LETM2: variants seen among roughly 807,000 people sequenced by gnomAD.
LETM2 encodes the protein leucine zipper and EF-hand containing transmembrane protein 2.
LETM2 carries 58 observed loss-of-function variants against 59.6 expected under a neutral mutation model. The observed-to-expected ratio is 0.97, with a 90% CI of 0.79 to 1.21. LETM2 has a LOEUF of 1.21. Ranked by LOEUF, LETM2 falls within the 50% of genes most tolerant of loss-of-function variation. LETM2 has a pLI of 0.00. For missense variants in LETM2, 572 were observed against 575.7 expected (o/e 0.99, Z 0.07); for synonymous variants, 199 against 214.1 (o/e 0.93, Z 0.62).
intron 8 of LETM2, among the ~76,000 whole-genome samples, chr8:38,405,163 C>T (rs1813616811): frequency 1.3e-5 from 2 of 152,172 alleles, no homozygotes; most frequent in South Asian, 4.1e-4. Flanking sequence ...TCCTTTTAGA[C>T]TGAATGGTTC....
At chr8:38,404,658 AAAAC>A (rs1395749238) in intron 8 of LETM2, 152 bp downstream of exon 8, 1 of 597,346 alleles carries the variant, frequency 1.7e-6, no homozygotes, top group Non-Finnish European at 3.0e-6. Flanking sequence ...AATTTCTAAA[AAAAC>A]CAACCAACCA....
intron 4 of LETM2, among the ~76,000 whole-genome samples, chr8:38,399,772 CATCTCAAAAAAAAAAAAAAAAAA>C (rs1269284489): frequency 1.5e-5 from 2 of 132,502 alleles, no homozygotes; most frequent in Non-Finnish European, 3.3e-5. Context: ...AGCGAAACTC[CATCTCAAAAAAAAAAAAAAAAAA>C]ATTAGCCAGG....
intron 6 of LETM2, 133 bp downstream of exon 6, chr8:38,401,186 G>A (rs1813191322): frequency 1.4e-6 from 1 of 713,118 alleles, no homozygotes; most frequent in Non-Finnish European, 2.3e-6. Flanking sequence ...CTGTCACCCA[G>A]GCTGCAGTGG....
rs865814808 is a variant in LETM2, at chr8:38,396,691, G to A, written c.645+2450G>A. Reference sequence around the variant, plus strand: ...AGGCTGAGGTGGGAGGATTGTTTAAGCCCACGAGTTCAAGACCAGCCAGAG... The same window carrying A: ...AGGCTGAGGTGGGAGGATTGTTTAAACCCACGAGTTCAAGACCAGCCAGAG... On this transcript the variant is annotated intron_variant, in intron 4 of 10. Coordinates refer to ENST00000379957, the MANE Select transcript of LETM2 (RefSeq NM_001286819.2). Among the ~76,000 whole-genome samples the A allele has an allele frequency of 4.6e-4, 70 of 152,000 alleles. 1 individual carries two copies. The highest frequency in any genetic ancestry group is 1.5e-3 in the African/African-American group (62 of 41,390).
At chr8:38,396,230 C>G (rs1353383563) in intron 4 of LETM2, among the ~76,000 whole-genome samples, 1 of 151,112 alleles carries the variant, frequency 6.6e-6, no homozygotes, top group Non-Finnish European at 1.5e-5. Flanking sequence ...ATGGTGCGAT[C>G]TCGGCTCCCT....
intron 2 of LETM2, among the ~76,000 whole-genome samples, chr8:38,391,895 T>G (rs1812313469): frequency 6.6e-6 from 1 of 151,934 alleles, no homozygotes; most frequent in Non-Finnish European, 1.5e-5. Context: ...TTTCACCATG[T>G]TGGCCAGGCT....
chr8:38,407,748 T>G (rs567464458), intron 10 of LETM2, among the ~76,000 whole-genome samples: 2 of 152,364 alleles, frequency 1.3e-5, no homozygotes, highest in East Asian at 3.9e-4. Context: ...GGAAATAGTT[T>G]CCATGTGTTA....
At chr8:38,404,943 T>G in intron 8 of LETM2, 1 of 163,278 alleles carries the variant, frequency 6.1e-6, no homozygotes, top group South Asian at 1.5e-4. Context: ...GCCATTGCAC[T>G]GCAGCCTGGG....
At chr8:38,401,809 A>C (rs1813253478) in intron 6 of LETM2, 1 of 152,816 alleles carries the variant, frequency 6.5e-6, no homozygotes, top group Admixed American at 6.5e-5. Flanking sequence ...GGAAAAGCAG[A>C]GCCTCAACAC....
intron 4 of LETM2, 35 bp downstream of exon 4, chr8:38,394,276 C>A (rs1422569061): frequency 6.1e-6 from 8 of 1,304,642 alleles, no homozygotes; most frequent in Non-Finnish European, 7.1e-6. Flanking sequence ...ATTTAATAAA[C>A]CTTATTAGAG....
intron 4 of LETM2, among the ~76,000 whole-genome samples, chr8:38,395,972 A>G (rs1563388963): frequency 6.6e-6 from 1 of 152,172 alleles, no homozygotes; most frequent in African/African-American, 2.4e-5. Flanking sequence ...TGTCTTTCAC[A>G]GAGCAAATGC....
chr8:38,386,133 T>C (rs1282882777), upstream of LETM2: 3 of 152,228 alleles, frequency 2.0e-5, no homozygotes, highest in Non-Finnish European at 2.9e-5. Context: ...ATCAAAGTGA[T>C]GTCATTCATG....
Position 38,407,010 on chromosome 8 carries a change from A to C in LETM2, c.1283A>C (p.Asp428Ala), listed in dbSNP as rs374619049. 3.7e-6 allele frequency: 6 copies of C among 1,610,894 alleles called. No homozygotes were observed. Among genetic ancestry groups the C allele is most frequent in the Non-Finnish European group, 5.1e-6 (6 of 1,177,092 alleles). ...ACTGAATCTAAAGAGAACATGGTGG[A>C]TCTTGCACCTCAACTGAAGGGAACT... ...TFTESKENMV[D>A]LAPQLKGTKD... The change falls in exon 9 of 11, where the codon GAT becomes GCT. Residue 428 changes from aspartate (D) to alanine (A), a missense_variant. Coordinates refer to ENST00000379957, the MANE Select transcript of LETM2 (RefSeq NM_001286819.2).
At chr8:38,403,955 C>T (rs1813468943) in intron 7 of LETM2, among the ~76,000 whole-genome samples, 2 of 152,158 alleles carry the variant, frequency 1.3e-5, no homozygotes, top group Admixed American at 1.3e-4. Flanking sequence ...AACTCCCGGG[C>T]TCAAGCGATC....
Position 38,407,036 on chromosome 8 carries a change from A to C in LETM2, c.1309A>C (p.Lys437Gln). The C allele has an allele frequency of 6.3e-7, 1 of 1,580,778 alleles. No homozygotes were observed. Among genetic ancestry groups the C allele is most frequent in the East Asian group, 2.2e-5 (1 of 44,706 alleles). ...TCTTGCACCTCAACTGAAGGGAACT[A>C]AGGTTAGACAGTTACTTTCCATTTG... ...VDLAPQLKGT[K>Q]DEDFIQPPPV... The change falls in exon 9 of 11, where the codon AAG (lysine) becomes CAG (glutamine). Residue 437 changes from lysine (K) to glutamine (Q), a missense_variant and splice_region_variant. By Grantham distance (53) the Lys-to-Gln change is moderately conservative. Transcript: ENST00000379957.
At chr8:38,388,764 G>C (rs1237804982) in intron 2 of LETM2, among the ~76,000 whole-genome samples, 1 of 149,804 alleles carries the variant, frequency 6.7e-6, no homozygotes, top group African/African-American at 2.4e-5. Context: ...TTGTTTGTTT[G>C]TTTTTGTTTT....
At chr8:38,404,607 G>A in intron 8 of LETM2, 101 bp downstream of exon 8, 1 of 769,914 alleles carries the variant, frequency 1.3e-6, no homozygotes, top group Non-Finnish European at 2.2e-6. Context: ...ATTTCTTTTG[G>A]CCTTTTAGAA....
At chr8:38,394,077 C>T (rs1376919681) in intron 3 of LETM2, 21 bp from the exon 4 acceptor site, 1 of 1,417,066 alleles carries the variant, frequency 7.1e-7, no homozygotes, top group Non-Finnish European at 9.2e-7. Context: ...ATGAATATTG[C>T]ATATGCATTT....
intron 5 of LETM2, 96 bp downstream of exon 5, chr8:38,400,505 T>C: frequency 8.5e-7 from 1 of 1,171,540 alleles, no homozygotes; most frequent in East Asian, 2.4e-5. Context: ...TCACCATCTT[T>C]GGAATTGCAA....
Sources: gnomAD v4.1 joint callset for allele counts (sites outside exome capture counted in the v4.1 genomes callset) on GRCh38, gnomAD v4.1.1 for gene constraint, MANE v1.5 for transcripts, NCBI Gene and HGNC (gene_info 2026-07-23, HGNC 2026-07-21) for gene names.